Variants in CRTAP observed in about 807,000 individuals in gnomAD.
The protein encoded by CRTAP is cartilage-associated protein.
A neutral mutation model predicts 42.7 loss-of-function variants in CRTAP; 33 were observed. The ratio of observed to expected loss-of-function variants is 0.77; its 90% CI spans 0.59 to 1.03. CRTAP has a LOEUF of 1.03. CRTAP is among the 50% of genes least tolerant of loss of function. CRTAP has a pLI of 0.00. For synonymous variants in CRTAP, 243 were observed against 217.7 expected (o/e 1.12, Z -1.02); for missense variants, 613 against 533.9 (o/e 1.15, Z -1.46).
chr3:33,133,362 G>A (rs965434807), intron 5 of CRTAP, among the ~76,000 whole-genome samples: 3 of 151,226 alleles, frequency 2.0e-5, no homozygotes, highest in Non-Finnish European at 2.9e-5. Context: ...GGGTTCAAGC[G>A]ATTCTCTTGC....
chr3:33,133,768 G>A (rs1214578004), intron 5 of CRTAP, among the ~76,000 whole-genome samples: 1 of 151,958 alleles, frequency 6.6e-6, no homozygotes, highest in Non-Finnish European at 1.5e-5. Context: ...TCTCTTTTGC[G>A]GATGGACCAT....
In CRTAP at chr3:33,130,131, G is replaced by A. The variant is rs144005898; in HGVS notation, c.922+64G>A. ...GTCCTTCTAAGACTGTAAAATAGAG[G>A]TAATAACTCTTAGCTACGGTTGTTG... is the stretch of plus-strand genomic sequence containing the variant. On this transcript the variant is annotated intron_variant, in intron 4 of 6. Transcript: ENST00000320954. 2,517 of 1,495,158 alleles carry A rather than the reference G, an allele frequency of 1.7e-3. 10 individuals carry two copies. Among genetic ancestry groups the A allele is most frequent in the Middle Eastern group, 0.014 (81 of 5,812 alleles). 92.6% of individuals were successfully genotyped at this position (1,495,158 alleles called of 1,614,324 possible). A position where few individuals can be genotyped will look rare whatever the true frequency, so the allele number is the denominator to read the frequency against.
intron 1 of CRTAP, among the ~76,000 whole-genome samples, chr3:33,118,158 A>G (rs766193695): frequency 1.3e-5 from 2 of 151,870 alleles, no homozygotes; most frequent in Non-Finnish European, 2.9e-5. Flanking sequence ...ATGGGGTTTC[A>G]TCATCTTGGC....
At position 33,119,661 on chromosome 3, in the gene CRTAP, A is replaced by C. The variant is rs4074417; in HGVS notation, c.472-683A>C. ...TGTGGGGGATTTGGGAAAACAATATATTTGTCAAGGTGCCAGTGGAAAAGA... is the reference window on the plus strand; with the variant it reads ...TGTGGGGGATTTGGGAAAACAATATCTTTGTCAAGGTGCCAGTGGAAAAGA... On this transcript the variant is annotated intron_variant, in intron 1 of 6. Transcript: ENST00000320954. Among the ~76,000 whole-genome samples the C allele has an allele frequency of 0.18, 27,944 of 152,078 alleles. 3,772 individuals are homozygous for C. The highest frequency in any genetic ancestry group is 0.58 in the East Asian group (2,991 of 5,164).
chr3:33,117,210 C>T (rs565131500), intron 1 of CRTAP, among the ~76,000 whole-genome samples: 6 of 152,136 alleles, frequency 3.9e-5, no homozygotes, highest in African/African-American at 4.8e-5. Flanking sequence ...GGCTGGAGGT[C>T]GATATGAAGG....
chr3:33,118,439 C>CT (rs971474342), intron 1 of CRTAP, among the ~76,000 whole-genome samples: 1 of 152,212 alleles, frequency 6.6e-6, no homozygotes, highest in African/African-American at 2.4e-5. Context: ...CCACAAGCCA[C>CT]TAATTGGCAT....
At position 33,120,399 on chromosome 3, in the gene CRTAP, C is replaced by A; in HGVS notation, c.527C>A (p.Pro176His). The A allele has an allele frequency of 4.3e-6, 7 of 1,614,138 alleles. No homozygotes were observed. The highest frequency in any genetic ancestry group is 5.9e-6 in the Non-Finnish European group (7 of 1,179,962). ...GCTCACACCTTTCTACTGAAGCATC[C>A]TGATGACGAAATGATGAAGAGGAAC... Reference protein sequence around the residue: ...AAAHTFLLKHPDDEMMKRNMA... With the variant: ...AAAHTFLLKHHDDEMMKRNMA... The change falls in exon 2 of 7, where the codon CCT becomes CAT. Residue 176 changes from proline to histidine, a missense_variant. Physicochemically the swap from Pro to His is moderately conservative, Grantham distance 77. Transcript: ENST00000320954.
chr3:33,114,299 C>T lies in CRTAP; in HGVS notation c.222C>T (p.His74=). The T allele has an allele frequency of 6.4e-7, 1 of 1,562,690 alleles. No individual in the cohort carries two copies. The highest frequency in any genetic ancestry group is 1.2e-5 in the South Asian group (1 of 85,960). ...ACCTGGAGATCAGCCTGCGGCTGCA[C>T]CGCTTGCTGCGCGACAGCGAGGCCT... The part of the protein sequence containing the change: ...VGYLEISLRL[H]RLLRDSEAFC... The change falls in exon 1 of 7, where the codon CAC becomes CAT. Residue 74 remains histidine, a synonymous_variant. Coordinates refer to ENST00000320954, the MANE Select transcript of CRTAP (RefSeq NM_006371.5).
intron 6 of CRTAP, among the ~76,000 whole-genome samples, chr3:33,138,449 A>G (rs2030484357): frequency 6.6e-6 from 1 of 152,128 alleles, no homozygotes; most frequent in African/African-American, 2.4e-5. Context: ...TTATTCCTAA[A>G]CATTCTATTC....
chr3:33,141,002 G>GT (rs11293198), intron 6 of CRTAP, among the ~76,000 whole-genome samples: 1 of 151,750 alleles, frequency 6.6e-6, no homozygotes, highest in Admixed American at 6.6e-5. Context: ...CAAGACTGCT[G>GT]TTTTTTTTTG....
In CRTAP at chr3:33,147,115, C is replaced by T. The variant is rs2030743096; in HGVS notation, c.*4667C>T. Reference sequence around the variant, plus strand: ...TCTGGTGACTCCAGGCCTGAATGACCTAGTGTGGAGAGTTTAAACTATGTA... The same window carrying T: ...TCTGGTGACTCCAGGCCTGAATGACTTAGTGTGGAGAGTTTAAACTATGTA... On this transcript the variant is annotated 3_prime_UTR_variant, in exon 7 of 7. Transcript: ENST00000320954. The T allele has an allele frequency of 1.3e-5, 2 of 152,616 alleles. No homozygotes were observed. The highest frequency in any genetic ancestry group is 2.9e-5 in the Non-Finnish European group (2 of 68,058). The allele number at this position is 152,616 out of a possible 1,614,324, so 9.5% of individuals were successfully genotyped here.
At chr3:33,132,438 C>A (rs891575525) in intron 4 of CRTAP, 117 bp from the exon 5 acceptor site, 1 of 1,453,550 alleles carries the variant, frequency 6.9e-7, no homozygotes, top group South Asian at 1.1e-5. Flanking sequence ...GCCCCAGGCT[C>A]TCTGAAGAAG....
At chr3:33,117,705 C>T (rs572343726) in intron 1 of CRTAP, among the ~76,000 whole-genome samples, 2 of 152,284 alleles carry the variant, frequency 1.3e-5, no homozygotes, top group African/African-American at 2.4e-5. Context: ...TTTAGGGTGG[C>T]TCATGCTGGT....
In CRTAP at chr3:33,129,544, T is replaced by TC. The variant is rs2030178457; in HGVS notation, c.794-395_794-394insC. On this transcript the variant is annotated intron_variant, in intron 3 of 6. Transcript: ENST00000320954. ...AAATATTTTTCTTTTTCTTTTTTTTTTTTTTTTTTTGGAGACGGAGTCTTG... is the reference window on the plus strand; with the variant it reads ...AAATATTTTTCTTTTTCTTTTTTTTTCTTTTTTTTTTGGAGACGGAGTCTTG... Among the ~76,000 whole-genome samples the TC allele has an allele frequency of 3.4e-5, 5 of 146,878 alleles. No individual in the cohort carries two copies. The South Asian group carries it at 1.1e-3, about 32-fold the overall frequency.
chr3:33,129,892 G>A (rs560255943), intron 3 of CRTAP, 47 bp from the exon 4 acceptor site: 2 of 1,587,894 alleles, frequency 1.3e-6, no homozygotes, highest in Admixed American at 3.3e-5. Flanking sequence ...AGCATATTAA[G>A]AAAGTAATGG....
In CRTAP at chr3:33,123,658, C is replaced by G. The variant is rs1253968386; in HGVS notation, c.622-750C>G. Among the ~76,000 whole-genome samples the G allele has an allele frequency of 3.2e-5, 4 of 126,010 alleles. No homozygotes were observed. The East Asian group carries it at 1.1e-3, about 33-fold the overall frequency. The allele number at this position is 126,010 out of a possible 152,430, so 82.7% of individuals were successfully genotyped here. A position where few individuals can be genotyped will look rare whatever the true frequency, so the allele number is the denominator to read the frequency against. ...TTTTTTTTTTTTTTTTTGACAGAGT[C>G]TCGCTCTGTCACCCAGGCTGGAGTA... On this transcript the variant is annotated intron_variant, in intron 2 of 6. Coordinates refer to ENST00000320954, the MANE Select transcript of CRTAP (RefSeq NM_006371.5).
At chr3:33,127,805 G>C (rs1307260433) in intron 3 of CRTAP, among the ~76,000 whole-genome samples, 1 of 150,978 alleles carries the variant, frequency 6.6e-6, no homozygotes, top group African/African-American at 2.4e-5. Flanking sequence ...GGAGTGCAGT[G>C]GTGCGATCTT....
At position 33,120,512 on chromosome 3, in the gene CRTAP, G is replaced by A. The variant is rs769842825; in HGVS notation, c.621+19G>A. 6.3e-7 allele frequency: 1 copy of A among 1,583,332 alleles called. No individual in the cohort carries two copies. The highest frequency in any genetic ancestry group is 1.1e-5 in the South Asian group (1 of 87,958). ...ATATGAAGTATGTTTGGATTTTTAT[G>A]TGGCAGTTAGTGGCAACCTGGACTG... On this transcript the variant is annotated intron_variant, in intron 2 of 6. Coordinates refer to ENST00000320954, the MANE Select transcript of CRTAP (RefSeq NM_006371.5).
rs145623565 is a variant in CRTAP, at chr3:33,120,483, A to G, written c.611A>G (p.Lys204Arg). 5.6e-6 allele frequency: 9 copies of G among 1,609,388 alleles called. No homozygotes were observed. Among genetic ancestry groups the G allele is most frequent in the South Asian group, 1.1e-5 (1 of 90,698 alleles). Residue 204 changes from lysine (K) to arginine (R), a missense_variant, in exon 2 of 7, where the codon AAG becomes AGG. By Grantham distance (26) the Lys-to-Arg change is conservative. Transcript: ENST00000320954. ...AEDYIKDLETKSYESLFIRAV... is the reference protein window; with the variant it reads ...AEDYIKDLETRSYESLFIRAV... ...GACTACATTAAAGACCTGGAAACCA[A>G]GTCATATGAAGTATGTTTGGATTTT...
Sources: allele counts gnomAD v4.1 joint callset (sites outside exome capture counted in the v4.1 genomes callset), GRCh38; gene constraint gnomAD v4.1.1; transcripts MANE v1.5; gene names NCBI Gene and HGNC (gene_info 2026-07-23, HGNC 2026-07-21).